Variants in CHIC1 observed in about 807,000 individuals in gnomAD.
CHIC1 encodes the protein cysteine rich hydrophobic domain 1.
Under a neutral mutation model 18.5 loss-of-function variants are expected in CHIC1, and 7 were observed. That is an observed-to-expected ratio of 0.38 (90% CI 0.22 to 0.71). The LOEUF (loss-of-function observed/expected upper bound fraction) is 0.71, where lower values mean the gene tolerates loss of function less well. Ranked by LOEUF, CHIC1 falls within the 30% of genes least tolerant of loss-of-function variation. The pLI is 0.49. For synonymous variants in CHIC1, 77 were observed against 73.5 expected (o/e 1.05, Z -0.25); for missense variants, 159 against 176.9 (o/e 0.90, Z 0.57).
intron 1 of CHIC1, among the ~76,000 whole-genome samples, chrX:73,567,117 A>T (rs774725455): frequency 2.5e-4 from 28 of 109,950 alleles, no homozygotes; most frequent in Non-Finnish European, 4.6e-4. Flanking sequence ...AATACCAGCA[A>T]TCTCTAGAGT....
chrX:73,575,895 A>G (rs1469250496), intron 1 of CHIC1, among the ~76,000 whole-genome samples: 1 of 110,772 alleles, frequency 9.0e-6, no homozygotes, highest in African/African-American at 3.2e-5. Flanking sequence ...CTCTTTTGTA[A>G]TAATACTTAG....
chrX:73,675,036 T>C (rs1198222184), intron 3 of CHIC1, among the ~76,000 whole-genome samples: 2 of 112,053 alleles, frequency 1.8e-5, no homozygotes, highest in Non-Finnish European at 3.8e-5. Context: ...TCCATGTAGT[T>C]GAGCAGTTTT....
At chrX:73,674,264 G>T (rs185869712) in intron 3 of CHIC1, among the ~76,000 whole-genome samples, 31 of 111,981 alleles carry the variant, frequency 2.8e-4, no homozygotes, top group Non-Finnish European at 5.1e-4. Context: ...ACTTAGGGCA[G>T]ATTCCCTCTT....
At chrX:73,655,133 T>C (rs2057935459) in intron 3 of CHIC1, among the ~76,000 whole-genome samples, 3 of 109,876 alleles carry the variant, frequency 2.7e-5, no homozygotes, top group African/African-American at 1.0e-4. Context: ...TCAGCTCCAA[T>C]TTATGAGTGA....
intron 3 of CHIC1, among the ~76,000 whole-genome samples, chrX:73,615,624 C>T (rs956512472): frequency 5.4e-5 from 6 of 110,824 alleles, no homozygotes; most frequent in African/African-American, 1.3e-4. Flanking sequence ...GTGGGGTTGG[C>T]GGTCTCTAGG....
At chrX:73,641,241 T>C (rs2057854424) in intron 3 of CHIC1, among the ~76,000 whole-genome samples, 1 of 110,971 alleles carries the variant, frequency 9.0e-6, no homozygotes, top group South Asian at 3.8e-4. Context: ...TTGCTGAGGA[T>C]TGTTTTGTCT....
chrX:73,631,505 T>C (rs1395054436), intron 3 of CHIC1, among the ~76,000 whole-genome samples: 3 of 110,142 alleles, frequency 2.7e-5, no homozygotes, highest in Non-Finnish European at 5.7e-5. Flanking sequence ...TGGTGGCACA[T>C]GCCTGTAATT....
rs1269325902 is a variant in CHIC1 at position 73,663,744 on chromosome X, C to T, written c.508-15582C>T. On this transcript the variant is annotated intron_variant, in intron 3 of 5. Coordinates refer to ENST00000373502, the MANE Select transcript of CHIC1 (RefSeq NM_001039840.4). ...GGTTCAGATATACTCCTGTGGCTCC[C>T]GTGCTTCCAAAACTTCCCTTTCCCC... 8.1e-5 allele frequency among the ~76,000 whole-genome samples: 9 copies of T among 111,133 alleles called. No individual in the cohort carries two copies. The East Asian group carries it at 1.7e-3, about 21-fold the overall frequency.
intron 3 of CHIC1, among the ~76,000 whole-genome samples, chrX:73,607,765 T>C (rs2147573032): frequency 9.3e-6 from 1 of 107,826 alleles, no homozygotes; most frequent in South Asian, 3.9e-4. Context: ...CCCTTGTGCT[T>C]CCCAGGTGAG....
intron 3 of CHIC1, among the ~76,000 whole-genome samples, chrX:73,586,192 G>A (rs2057552359): frequency 9.0e-6 from 1 of 111,544 alleles, no homozygotes; most frequent in Non-Finnish European, 1.9e-5. Flanking sequence ...TTGGCTCTGA[G>A]TAGTGGCTGC....
In CHIC1 at chrX:73,628,878, A is replaced by AT. The variant is rs767199581; in HGVS notation, c.507+44313dup. Among the ~76,000 whole-genome samples the AT allele has an allele frequency of 5.4e-5, 6 of 110,712 alleles. No individual in the cohort carries two copies. In the South Asian group the frequency reaches 1.2e-3, roughly 21 times the overall value. On this transcript the variant is annotated intron_variant, in intron 3 of 5. Coordinates refer to ENST00000373502, the MANE Select transcript of CHIC1 (RefSeq NM_001039840.4). ...TCTATTGTGCCATTTTTCTCCCAAT[A>AT]TTTTTTTAATTTTTGAGGAAACTCC...
intron 3 of CHIC1, among the ~76,000 whole-genome samples, chrX:73,670,270 T>G (rs2047642836): frequency 9.0e-6 from 1 of 111,438 alleles, no homozygotes; most frequent in Non-Finnish European, 1.9e-5. Context: ...AGAACCTAGA[T>G]ATTTCGGTTG....
At chrX:73,676,951 G>T (rs571771233) in intron 3 of CHIC1, among the ~76,000 whole-genome samples, 2 of 111,988 alleles carry the variant, frequency 1.8e-5, no homozygotes, top group South Asian at 3.7e-4. Flanking sequence ...CCTTCTAACA[G>T]ATAGGACCCT....
intron 3 of CHIC1, among the ~76,000 whole-genome samples, chrX:73,673,799 G>C (rs779145755): frequency 3.1e-4 from 35 of 111,976 alleles, no homozygotes; most frequent in Non-Finnish European, 5.6e-4. Context: ...AATAGGAATA[G>C]TGAGAGAGGG....
intron 1 of CHIC1, among the ~76,000 whole-genome samples, chrX:73,572,882 T>C (rs961507185): frequency 9.0e-6 from 1 of 111,442 alleles, no homozygotes; most frequent in Middle Eastern, 4.2e-3. Context: ...TCGTGGATAT[T>C]TTCTCCCATT....
chrX:73,576,930 C>T (rs934006846), intron 1 of CHIC1, among the ~76,000 whole-genome samples: 9 of 110,468 alleles, frequency 8.1e-5, no homozygotes, highest in Non-Finnish European at 1.7e-4. Flanking sequence ...CACAAGTAGT[C>T]AAACTCTGTA....
intron 3 of CHIC1, among the ~76,000 whole-genome samples, chrX:73,678,332 C>T (rs777178589): frequency 7.5e-4 from 84 of 112,518 alleles, no homozygotes; most frequent in Non-Finnish European, 1.4e-3. Context: ...CTGACATTGG[C>T]TTGCCCTGAG....
chrX:73,667,633 T>A (rs1292224018), intron 3 of CHIC1, among the ~76,000 whole-genome samples: 2 of 111,592 alleles, frequency 1.8e-5, no homozygotes, highest in East Asian at 5.7e-4. Context: ...GGACATGAAT[T>A]TGGGGGTTGG....
At chrX:73,570,350 G>C (rs2057464808) in intron 1 of CHIC1, among the ~76,000 whole-genome samples, 1 of 110,988 alleles carries the variant, frequency 9.0e-6, no homozygotes, top group Non-Finnish European at 1.9e-5. Flanking sequence ...AAGGACAAGA[G>C]CCAATGTAGC....
Sources: gnomAD v4.1 joint callset for allele counts (sites outside exome capture counted in the v4.1 genomes callset) on GRCh38, gnomAD v4.1.1 for gene constraint, MANE v1.5 for transcripts, NCBI Gene and HGNC (gene_info 2026-07-23, HGNC 2026-07-21) for gene names.